The following EPHB1 variants were observed in gnomAD, a reference collection of about 807,000 sequenced individuals.
EPHB1 encodes EPH receptor B1.
Under a neutral mutation model 94.4 loss-of-function variants are expected in EPHB1, and 30 were observed. The observed-to-expected ratio is 0.32, with a 90% CI of 0.24 to 0.43. The LOEUF is 0.43. EPHB1 is among the 20% of genes least tolerant of loss of function. EPHB1 has a pLI of 1.00. For missense variants in EPHB1, 1,055 were observed against 1,308.3 expected (o/e 0.81, Z 2.99); for synonymous variants, 522 against 489.1 (o/e 1.07, Z -0.89).
chr3:135,027,665 T>C (rs1334047743), intron 3 of EPHB1, among the ~76,000 whole-genome samples: 1 of 151,510 alleles, frequency 6.6e-6, no homozygotes, highest in African/African-American at 2.4e-5. Flanking sequence ...AGGATATTGG[T>C]GATATTGGTC....
At chr3:135,042,246 G>A (rs890697125) in intron 3 of EPHB1, among the ~76,000 whole-genome samples, 1 of 152,120 alleles carries the variant, frequency 6.6e-6, no homozygotes, top group African/African-American at 2.4e-5. Flanking sequence ...TTTTTATAGG[G>A]AACCCACTTC....
rs184638233 is a variant in EPHB1 at position 134,913,829 on chromosome 3, G to A, written c.59-11987G>A. Among the ~76,000 whole-genome samples the A allele has an allele frequency of 2.0e-3, 299 of 152,340 alleles. 1 individual carries two copies. Among genetic ancestry groups the A allele is most frequent in the Admixed American group, 4.4e-3 (67 of 15,308 alleles). On this transcript the variant is annotated intron_variant, in intron 1 of 15. Transcript: ENST00000398015. ...ATGGAGAGAAAGGCTCTTCAAAAAC[G>A]CCCAGTGCAGTTCCACGTCTCAGTG...
At chr3:135,158,029 A>G (rs968922978) in intron 6 of EPHB1, among the ~76,000 whole-genome samples, 6 of 152,224 alleles carry the variant, frequency 3.9e-5, no homozygotes, top group Non-Finnish European at 8.8e-5. Flanking sequence ...TGAGCTTGAT[A>G]GGAGAGTGGA....
chr3:135,186,007 C>G (rs974730853), intron 10 of EPHB1, among the ~76,000 whole-genome samples: 5 of 152,178 alleles, frequency 3.3e-5, no homozygotes, highest in Admixed American at 1.3e-4. Context: ...GATCAGTTAT[C>G]AGCGTTAAGA....
intron 10 of EPHB1, 89 bp downstream of exon 10, chr3:135,180,071 G>T (rs2107704943): frequency 6.7e-7 from 1 of 1,484,914 alleles, no homozygotes; most frequent in East Asian, 2.3e-5. Flanking sequence ...AGTATGAAAA[G>T]CCCCATTAGG....
At position 134,986,415 on chromosome 3, in the gene EPHB1, A is replaced by AT. The variant is rs1934597417; in HGVS notation, c.805+34365dup. On this transcript the variant is annotated intron_variant, in intron 3 of 15. Transcript: ENST00000398015. The stretch of plus-strand genomic sequence containing the variant: ...CCATTCCTCACAAATGAGCATGTGC[A>AT]TTGACATATGTCTTGTCTGTGTGCG... Among the ~76,000 whole-genome samples, 3 of 152,324 alleles carry AT rather than the reference A, an allele frequency of 2.0e-5. No homozygotes were observed. The East Asian group carries it at 5.8e-4, about 29-fold the overall frequency.
intron 1 of EPHB1, among the ~76,000 whole-genome samples, chr3:134,860,321 C>T (rs1482116855): frequency 6.6e-6 from 1 of 152,104 alleles, no homozygotes; most frequent in Non-Finnish European, 1.5e-5. Flanking sequence ...TTCTCTGGCA[C>T]CTAAGTGTAG....
At chr3:135,158,087 A>T (rs1325460399) in intron 6 of EPHB1, among the ~76,000 whole-genome samples, 1 of 152,240 alleles carries the variant, frequency 6.6e-6, no homozygotes, top group African/African-American at 2.4e-5. Flanking sequence ...GTGGCTCCCA[A>T]AATAAGAGAT....
chr3:135,210,306 T>G lies in EPHB1; in HGVS notation c.2346+8617T>G, dbSNP rs574986392. On this transcript the variant is annotated intron_variant, in intron 12 of 15. Transcript: ENST00000398015. ...CTGAGAGACACTTGTTTAAACATTTTGACTTTTATATGTCTATAGGATATC... is the reference window on the plus strand; with the variant it reads ...CTGAGAGACACTTGTTTAAACATTTGGACTTTTATATGTCTATAGGATATC... 5.3e-5 allele frequency among the ~76,000 whole-genome samples: 8 copies of G among 152,318 alleles called. No individual in the cohort carries two copies. The South Asian group carries it at 1.7e-3, about 32-fold the overall frequency.
intron 15 of EPHB1, among the ~76,000 whole-genome samples, chr3:135,251,537 T>A (rs1933098260): frequency 6.6e-6 from 1 of 152,186 alleles, no homozygotes; most frequent in Non-Finnish European, 1.5e-5. Flanking sequence ...GTAAAACATG[T>A]CCACACACTA....
chr3:134,848,743 A>G (rs1172488997), intron 1 of EPHB1, among the ~76,000 whole-genome samples: 2 of 152,088 alleles, frequency 1.3e-5, no homozygotes, highest in South Asian at 4.1e-4. Flanking sequence ...GGTCCCAGCC[A>G]CTCAGGGAGG....
At position 134,890,557 on chromosome 3, in the gene EPHB1, T is replaced by G. The variant is rs148163912; in HGVS notation, c.59-35259T>G. On this transcript the variant is annotated intron_variant, in intron 1 of 15. Coordinates refer to ENST00000398015, the MANE Select transcript of EPHB1 (RefSeq NM_004441.5). ...GCATATTGCTGGGAATGGAATTGCT[T>G]GTTCATGGGATATGTACTTGTTCAG... Among the ~76,000 whole-genome samples the G allele has an allele frequency of 6.1e-3, 925 of 152,344 alleles. 10 individuals are homozygous for G. Among genetic ancestry groups the G allele is most frequent in the African/African-American group, 0.021 (880 of 41,576 alleles).
chr3:135,222,684 G>T (rs1423518311), intron 12 of EPHB1, among the ~76,000 whole-genome samples: 2 of 152,110 alleles, frequency 1.3e-5, no homozygotes, highest in Non-Finnish European at 2.9e-5. Flanking sequence ...TTAATTTTAT[G>T]ACAAAACAGT....
At chr3:135,121,014 G>T (rs1939938184) in intron 4 of EPHB1, among the ~76,000 whole-genome samples, 1 of 152,158 alleles carries the variant, frequency 6.6e-6, no homozygotes, top group Non-Finnish European at 1.5e-5. Flanking sequence ...TCTGCATGCA[G>T]CAGGGACTCC....
Position 135,116,329 on chromosome 3 carries a change from C to G in EPHB1, c.961+9726C>G, listed in dbSNP as rs543641683. 2.6e-5 allele frequency among the ~76,000 whole-genome samples: 4 copies of G among 152,348 alleles called. No individual in the cohort carries two copies. In the South Asian group the frequency reaches 8.3e-4, roughly 32 times the overall value. On this transcript the variant is annotated intron_variant, in intron 4 of 15. Coordinates refer to ENST00000398015, the MANE Select transcript of EPHB1 (RefSeq NM_004441.5). ...AATTCTGACCCCATCACTCCCCTGT[C>G]TCTACCCCATCACAATGTGATTACA... is the stretch of plus-strand genomic sequence containing the variant.
rs571646811 is a variant in EPHB1 at position 134,853,573 on chromosome 3, T to G, written c.58+57884T>G. ...TTGAAGATTACCACTTTGGGTTGAC[T>G]TTGAAATGGCTGAGACTTGCAAGTG... On this transcript the variant is annotated intron_variant, in intron 1 of 15. Coordinates refer to ENST00000398015, the MANE Select transcript of EPHB1 (RefSeq NM_004441.5). Among the ~76,000 whole-genome samples the G allele has an allele frequency of 1.6e-3, 246 of 152,340 alleles. 1 individual carries two copies. The highest frequency in any genetic ancestry group is 5.8e-3 in the African/African-American group (240 of 41,580).
At chr3:134,830,137 C>T (rs1048351767) in intron 1 of EPHB1, among the ~76,000 whole-genome samples, 1 of 152,194 alleles carries the variant, frequency 6.6e-6, no homozygotes, top group Non-Finnish European at 1.5e-5. Flanking sequence ...ACGTTGTGCT[C>T]ATTCCTCCCC....
intron 2 of EPHB1, among the ~76,000 whole-genome samples, chr3:134,950,871 C>T (rs1479200865): frequency 1.3e-5 from 2 of 152,124 alleles, no homozygotes; most frequent in East Asian, 3.8e-4. Context: ...TTGAGAAACC[C>T]TGAAAAGCTT....
intron 10 of EPHB1, among the ~76,000 whole-genome samples, chr3:135,181,227 A>C (rs535612151): frequency 3.9e-5 from 6 of 152,192 alleles, no homozygotes; most frequent in Non-Finnish European, 8.8e-5. Context: ...TTCTTTCAGC[A>C]TAAGTGTGGT....
Sources: gnomAD v4.1 joint callset for allele counts (sites outside exome capture counted in the v4.1 genomes callset) on GRCh38, gnomAD v4.1.1 for gene constraint, MANE v1.5 for transcripts, NCBI Gene and HGNC (gene_info 2026-07-23, HGNC 2026-07-21) for gene names.